Variants in DSE observed in about 807,000 individuals in gnomAD.
DSE encodes the protein dermatan sulfate epimerase, also known as dermatan-sulfate epimerase.
DSE carries 36 observed loss-of-function variants against 84.4 expected under a neutral mutation model. The observed-to-expected ratio is 0.43, with a 90% CI of 0.33 to 0.56. The LOEUF is 0.56. Ranked by LOEUF, DSE falls within the 20% of genes least tolerant of loss-of-function variation. The pLI, the probability that DSE is intolerant of heterozygous loss-of-function variation, is 0.06. For synonymous variants in DSE, 410 were observed against 430.1 expected (o/e 0.95, Z 0.58); for missense variants, 862 against 1,169.6 (o/e 0.74, Z 3.84).
chr6:116,267,175 T>C (rs910706755), intron 2 of DSE, among the ~76,000 whole-genome samples: 4 of 152,244 alleles, frequency 2.6e-5, no homozygotes, highest in African/African-American at 7.2e-5. Context: ...CTATACTATA[T>C]GTGATTGTAG....
intron 2 of DSE, among the ~76,000 whole-genome samples, chr6:116,309,695 G>A (rs902951706): frequency 1.3e-5 from 2 of 152,318 alleles, no homozygotes; most frequent in African/African-American, 4.8e-5. Flanking sequence ...GTCCAGTGAA[G>A]ACGTGGCCTT....
intron 2 of DSE, among the ~76,000 whole-genome samples, chr6:116,352,764 T>G (rs1398830478): frequency 2.0e-5 from 3 of 152,106 alleles, no homozygotes; most frequent in African/African-American, 7.2e-5. Flanking sequence ...CATTACCCAT[T>G]TTGCAACACA....
intron 2 of DSE, among the ~76,000 whole-genome samples, chr6:116,269,813 T>A (rs1772806750): frequency 6.6e-6 from 1 of 152,196 alleles, no homozygotes; most frequent in African/African-American, 2.4e-5. Flanking sequence ...AAGTCACATT[T>A]TCTGTGAGGA....
intron 2 of DSE, among the ~76,000 whole-genome samples, chr6:116,291,507 G>T (rs962579688): frequency 6.6e-6 from 1 of 151,618 alleles, no homozygotes; most frequent in Non-Finnish European, 1.5e-5. Context: ...ATTAGTTGGG[G>T]GTGATGGTTA....
chr6:116,289,321 A>C (rs1252161337), intron 2 of DSE, among the ~76,000 whole-genome samples: 1 of 152,038 alleles, frequency 6.6e-6, no homozygotes, highest in African/African-American at 2.4e-5. Flanking sequence ...AGTCACTATG[A>C]ATCATAGTGA....
intron 2 of DSE, among the ~76,000 whole-genome samples, chr6:116,298,043 A>G (rs1037842587): frequency 1.3e-4 from 20 of 152,318 alleles, no homozygotes; most frequent in African/African-American, 4.8e-4. Flanking sequence ...GGGGTAAGAA[A>G]TATTTGAGTT....
intron 2 of DSE, among the ~76,000 whole-genome samples, chr6:116,282,927 G>C (rs1366583290): frequency 3.3e-5 from 5 of 152,112 alleles, no homozygotes; most frequent in Admixed American, 2.6e-4. Context: ...GAGTTATTTT[G>C]CCATACAGGC....
chr6:116,380,065 T>A (rs1017993781), intron 1 of DSE, among the ~76,000 whole-genome samples: 1 of 152,204 alleles, frequency 6.6e-6, no homozygotes, highest in Non-Finnish European at 1.5e-5. Flanking sequence ...CACTGATGTT[T>A]GGTTCAGTGA....
Position 116,410,802 on chromosome 6 carries a change from A to G in DSE, c.416+11136A>G, listed in dbSNP as rs1043640974. ...AATCTTGTTGTGGGAGTAGATTGCC[A>G]ATGTCAAACCAGGAAGTCAAGTAGG... On this transcript the variant is annotated intron_variant, in intron 2 of 5. Coordinates refer to ENST00000644252, the MANE Select transcript of DSE (RefSeq NM_013352.4). Among the ~76,000 whole-genome samples the G allele has an allele frequency of 2.0e-5, 3 of 150,848 alleles. No individual in the cohort carries two copies. In the East Asian group the frequency reaches 5.8e-4, roughly 29 times the overall value.
chr6:116,307,501 A>G (rs1020201882), intron 2 of DSE, among the ~76,000 whole-genome samples: 1 of 152,212 alleles, frequency 6.6e-6, no homozygotes, highest in African/African-American at 2.4e-5. Flanking sequence ...TTTTATATGG[A>G]TATGAACTAG....
chr6:116,384,213 G>A (rs1413801086), intron 1 of DSE, among the ~76,000 whole-genome samples: 1 of 152,148 alleles, frequency 6.6e-6, no homozygotes, highest in Non-Finnish European at 1.5e-5. Context: ...AGAAAGGAAG[G>A]CTTGGCTGGT....
chr6:116,369,630 T>C (rs962912071), upstream of DSE, among the ~76,000 whole-genome samples: 6 of 152,192 alleles, frequency 3.9e-5, no homozygotes, highest in Non-Finnish European at 7.3e-5. Flanking sequence ...AGAGCCCTCT[T>C]CTCTCCTCGA....
intron 2 of DSE, chr6:116,276,701 T>C (rs1389691663): frequency 6.6e-6 from 1 of 152,216 alleles, no homozygotes; most frequent in Non-Finnish European, 1.5e-5. Flanking sequence ...ATTACATTTA[T>C]GGGTAAGGTG....
At chr6:116,372,436 C>G (rs940305148) in intron 1 of DSE, among the ~76,000 whole-genome samples, 1 of 152,194 alleles carries the variant, frequency 6.6e-6, no homozygotes, top group Admixed American at 6.5e-5. Context: ...CCACTGCTCT[C>G]CAGCCTGGGC....
chr6:116,395,331 A>G (rs1438385721), intron 1 of DSE, among the ~76,000 whole-genome samples: 1 of 152,148 alleles, frequency 6.6e-6, no homozygotes, highest in Non-Finnish European at 1.5e-5. Context: ...AGGCTGAGGC[A>G]GGAGAATGGC....
intron 2 of DSE, among the ~76,000 whole-genome samples, chr6:116,322,267 C>T (rs1490006988): frequency 6.6e-6 from 1 of 152,118 alleles, no homozygotes; most frequent in Non-Finnish European, 1.5e-5. Context: ...AACTACCAGG[C>T]CCAGGGTGTG....
intron 2 of DSE, among the ~76,000 whole-genome samples, chr6:116,292,470 T>C (rs753689473): frequency 6.6e-5 from 10 of 151,896 alleles, no homozygotes; most frequent in Non-Finnish European, 1.2e-4. Context: ...AATTGCAGAG[T>C]TGAAAAAATG....
At chr6:116,353,989 C>T (rs986004208) in intron 2 of DSE, among the ~76,000 whole-genome samples, 1 of 152,102 alleles carries the variant, frequency 6.6e-6, no homozygotes, top group Non-Finnish European at 1.5e-5. Context: ...ATTATAATGC[C>T]TATCTACTTT....
chr6:116,255,850 A>G lies in DSE; in HGVS notation c.-576+1555A>G, dbSNP rs560721057. On this transcript the variant is annotated intron_variant, in intron 1 of 3. Coordinates refer to the DSE transcript ENST00000430252. ...AGTTTGCTACTATACAAATTTATAG[A>G]AAAGTATAAAATTACATGTGAACTT... is the stretch of plus-strand genomic sequence containing the variant. 6.6e-5 allele frequency: 10 copies of G among 152,380 alleles called. No individual in the cohort carries two copies. The South Asian group carries it at 1.7e-3, about 25-fold the overall frequency. The allele number at this position is 152,380 out of a possible 1,614,324, so 9.4% of individuals were successfully genotyped here.
Sources: allele counts gnomAD v4.1 joint callset (sites outside exome capture counted in the v4.1 genomes callset), GRCh38; gene constraint gnomAD v4.1.1; transcripts MANE v1.5; gene names NCBI Gene and HGNC (gene_info 2026-07-23, HGNC 2026-07-21).